SUN3: variants seen among roughly 807,000 people sequenced by gnomAD.
The protein encoded by SUN3 is Sad1 and UNC84 domain containing 3.
SUN3 carries 36 observed loss-of-function variants against 48.2 expected under a neutral mutation model. The ratio of observed to expected loss-of-function variants is 0.75; its 90% CI spans 0.57 to 0.99. The LOEUF (loss-of-function observed/expected upper bound fraction) is 0.99, where lower values mean the gene tolerates loss of function less well. Ranked by LOEUF, SUN3 falls within the 50% of genes least tolerant of loss-of-function variation. The pLI, the probability that SUN3 is intolerant of heterozygous loss-of-function variation, is 0.00. For missense variants in SUN3, 419 were observed against 433.1 expected, an observed-to-expected ratio of 0.97 and a Z score of 0.29; for synonymous variants, 148 against 147.9, an observed-to-expected ratio of 1.00 and a Z score of 0.00.
In SUN3 at chr7:47,992,393, G is replaced by T. The variant is rs139562378; in HGVS notation, c.861+1922C>A. On this transcript the variant is annotated intron_variant, in intron 8 of 9. Transcript: ENST00000297325. The stretch of plus-strand genomic sequence containing the variant: ...AAGAGAAGGTACTGCCTTCATAAAA[G>T]AAAAAAATATAGGCTCTAAAAAAGG... Among the ~76,000 whole-genome samples the T allele has an allele frequency of 3.0e-3, 462 of 151,894 alleles. 5 individuals are homozygous for T. The highest frequency in any genetic ancestry group is 0.01 in the African/African-American group (423 of 41,436).
chr7:48,028,266 A>T (rs1028682605), intron 1 of SUN3, among the ~76,000 whole-genome samples: 1 of 152,008 alleles, frequency 6.6e-6, no homozygotes, highest in Non-Finnish European at 1.5e-5. Flanking sequence ...GCGTTTGTAA[A>T]TAGGTTTAGG....
In SUN3 at chr7:47,994,330, C is replaced by T. The variant is rs73111110; in HGVS notation, c.846G>A (p.Lys282=). ...AGCTTCTTACATAGACAGAAAATTCCTTGGGTGCACTGGAGATGTTTCCTG... is the reference window on the plus strand; with the variant it reads ...AGCTTCTTACATAGACAGAAAATTCTTTGGGTGCACTGGAGATGTTTCCTG... ...SPSGNISSAP[K]EFSVYGITKK... is the part of the protein sequence containing the mutation. Residue 282 remains lysine, a synonymous_variant, in exon 8 of 10, where the codon AAG becomes AAA. Coordinates refer to ENST00000297325, the MANE Select transcript of SUN3 (RefSeq NM_001030019.2). 5.9e-4 allele frequency: 945 copies of T among 1,612,916 alleles called. No individual in the cohort carries two copies. Among genetic ancestry groups the T allele is most frequent in the Non-Finnish European group, 7.7e-4 (914 of 1,179,638 alleles).
intron 3 of SUN3, among the ~76,000 whole-genome samples, chr7:48,014,858 T>C (rs552564707): frequency 3.3e-4 from 50 of 152,220 alleles, no homozygotes; most frequent in Admixed American, 2.6e-3. Flanking sequence ...CAGGGAAGGG[T>C]TGATGTTACA....
upstream of SUN3, among the ~76,000 whole-genome samples, chr7:48,029,514 A>C (rs1352762775): frequency 1.3e-5 from 2 of 152,110 alleles, no homozygotes; most frequent in Non-Finnish European, 1.5e-5. Context: ...ATGTTATGCC[A>C]CTCTAGGTTT....
intron 3 of SUN3, among the ~76,000 whole-genome samples, chr7:48,010,987 C>T (rs1281356439): frequency 1.3e-5 from 2 of 152,158 alleles, no homozygotes; most frequent in Admixed American, 6.5e-5. Flanking sequence ...TCTGCCTTTA[C>T]GTGGTCTCTT....
At chr7:47,994,764 T>C (rs977519934) in intron 7 of SUN3, among the ~76,000 whole-genome samples, 1 of 151,134 alleles carries the variant, frequency 6.6e-6, no homozygotes, top group African/African-American at 2.4e-5. Context: ...AGGCTAGTGA[T>C]GGTGGTAGTG....
intron 6 of SUN3, among the ~76,000 whole-genome samples, chr7:48,001,798 A>C (rs934341990): frequency 3.9e-5 from 6 of 151,968 alleles, no homozygotes; most frequent in African/African-American, 1.4e-4. Context: ...GGCCTCCCAA[A>C]GTGCTGGGAT....
upstream of SUN3, among the ~76,000 whole-genome samples, chr7:48,032,703 A>G (rs1351599160): frequency 6.6e-6 from 1 of 152,270 alleles, no homozygotes; most frequent in Non-Finnish European, 1.5e-5. Flanking sequence ...TGGTGAGACT[A>G]TGTTGTATGT....
intron 2 of SUN3, among the ~76,000 whole-genome samples, chr7:48,017,689 T>C (rs1789850947): frequency 6.6e-6 from 1 of 152,206 alleles, no homozygotes; most frequent in Non-Finnish European, 1.5e-5. Context: ...TTTACCTGAC[T>C]ACCATCTTCC....
intron 7 of SUN3, among the ~76,000 whole-genome samples, chr7:47,994,777 G>A (rs1789157627): frequency 7.0e-6 from 1 of 143,180 alleles, no homozygotes; most frequent in Admixed American, 7.0e-5. Flanking sequence ...TGGTAGTGAG[G>A]ATGATGATGG....
intron 3 of SUN3, 26 bp from the exon 4 acceptor site, chr7:48,009,101 C>A: frequency 6.3e-7 from 1 of 1,599,650 alleles, no homozygotes; most frequent in South Asian, 1.1e-5. Context: ...AAAGATAAAT[C>A]ATTCTGAATT....
intron 3 of SUN3, among the ~76,000 whole-genome samples, chr7:48,012,097 G>C (rs1789699362): frequency 6.6e-6 from 1 of 152,178 alleles, no homozygotes; most frequent in Admixed American, 6.5e-5. Context: ...AGTGTCCTAG[G>C]AACCTTCCTA....
At chr7:47,999,895 T>C (rs113692638) in intron 6 of SUN3, among the ~76,000 whole-genome samples, 2,823 of 152,374 alleles carry the variant, frequency 0.019, 93 homozygotes, top group African/African-American at 0.065. Flanking sequence ...ATTGTTCTCA[T>C]GATTACAACG....
chr7:48,003,604 T>C (rs113887908), intron 6 of SUN3, among the ~76,000 whole-genome samples: 4,150 of 152,266 alleles, frequency 0.027, 190 homozygotes, highest in African/African-American at 0.094. Flanking sequence ...TTATAGTTCT[T>C]TTTGTAGAGA....
At chr7:48,014,556 T>A (rs996144756) in intron 3 of SUN3, among the ~76,000 whole-genome samples, 6 of 152,180 alleles carry the variant, frequency 3.9e-5, no homozygotes, top group Non-Finnish European at 7.3e-5. Context: ...ACAGGTGGTT[T>A]GTGTGGTCAC....
At chr7:48,020,974 T>C (rs2686781) in intron 2 of SUN3, among the ~76,000 whole-genome samples, 58,631 of 151,958 alleles carry the variant, frequency 0.39, 12,723 homozygotes, top group Non-Finnish European at 0.48. Flanking sequence ...TAGTCAAAGC[T>C]ATTCTAAGCA....
At chr7:48,023,444 A>G (rs1392111188) in intron 2 of SUN3, among the ~76,000 whole-genome samples, 2 of 152,162 alleles carry the variant, frequency 1.3e-5, no homozygotes, top group South Asian at 2.1e-4. Context: ...AAAATGAAAC[A>G]GATCAGAATC....
rs554715976 is a variant in SUN3 at position 48,001,772 on chromosome 7, G to A, written c.577+4197C>T. ...AGGATGGTCTCGATCTCCTGACCTT[G>A]TGATCTGCCCGCCTCGGCCTCCCAA... is the stretch of plus-strand genomic sequence containing the variant. On this transcript the variant is annotated intron_variant, in intron 6 of 9. Coordinates refer to ENST00000297325, the MANE Select transcript of SUN3 (RefSeq NM_001030019.2). Among the ~76,000 whole-genome samples, 451 of 152,168 alleles carry A rather than the reference G, an allele frequency of 3.0e-3. 7 individuals carry two copies. The highest frequency in any genetic ancestry group is 0.01 in the African/African-American group (420 of 41,520).
At chr7:47,998,243 G>GT (rs1789265592) in intron 6 of SUN3, among the ~76,000 whole-genome samples, 1 of 152,174 alleles carries the variant, frequency 6.6e-6, no homozygotes, top group East Asian at 1.9e-4. Context: ...AGTATGGTCG[G>GT]TTTTGTTTTG....
Sources: allele counts gnomAD v4.1 joint callset (sites outside exome capture counted in the v4.1 genomes callset), GRCh38; gene constraint gnomAD v4.1.1; transcripts MANE v1.5; gene names NCBI Gene and HGNC (gene_info 2026-07-23, HGNC 2026-07-21).